The following PTPRD variants were observed in gnomAD, a reference collection of about 807,000 sequenced individuals.
The protein encoded by PTPRD is receptor-type tyrosine-protein phosphatase delta.
A neutral mutation model predicts 214.5 loss-of-function variants in PTPRD; 34 were observed. The ratio of observed to expected loss-of-function variants is 0.16; its 90% CI spans 0.12 to 0.21. The LOEUF is 0.21. PTPRD is among the 10% of genes least tolerant of loss of function. The pLI is 1.00. For synonymous variants in PTPRD, 1,128 were observed against 845.7 expected (o/e 1.33, Z -5.79); for missense variants, 2,545 against 2,398.7 (o/e 1.06, Z -1.27).
At chr9:9,947,358 A>G (rs193193644) in intron 4 of PTPRD, among the ~76,000 whole-genome samples, 3,112 of 56,396 alleles carry the variant, frequency 0.055, 176 homozygotes, top group Non-Finnish European at 0.067. Context: ...TATATATTAT[A>G]TATATTATAT....
intron 10 of PTPRD, among the ~76,000 whole-genome samples, chr9:9,081,484 G>A (rs895885047): frequency 5.3e-5 from 8 of 152,080 alleles, no homozygotes; most frequent in African/African-American, 1.9e-4. Flanking sequence ...GATTTTGGGT[G>A]GAGAATTCTG....
chr9:9,785,214 C>T (rs1376316997), intron 5 of PTPRD, among the ~76,000 whole-genome samples: 2 of 151,704 alleles, frequency 1.3e-5, no homozygotes, highest in Non-Finnish European at 2.9e-5. Context: ...TACAAAATTG[C>T]CATTCAGGAA....
intron 3 of PTPRD, among the ~76,000 whole-genome samples, chr9:10,238,755 T>C (rs1403262537): frequency 1.3e-5 from 2 of 152,042 alleles, no homozygotes; most frequent in East Asian, 1.9e-4. Context: ...CAAGCTAATT[T>C]TGTTAATTAT....
chr9:9,806,143 GA>G (rs1771220745), intron 5 of PTPRD, among the ~76,000 whole-genome samples: 1 of 152,142 alleles, frequency 6.6e-6, no homozygotes, highest in African/African-American at 2.4e-5. Context: ...GCTGGTGTTA[GA>G]GTAGGTAGGC....
intron 34 of PTPRD, among the ~76,000 whole-genome samples, chr9:8,440,305 A>T (rs933980704): frequency 1.1e-4 from 15 of 142,480 alleles, no homozygotes; most frequent in African/African-American, 3.9e-4. Context: ...ACAAATGTAC[A>T]ATAGAAATGT....
chr9:10,029,546 T>G (rs1324928992), intron 4 of PTPRD, among the ~76,000 whole-genome samples: 1 of 152,190 alleles, frequency 6.6e-6, no homozygotes, highest in African/African-American at 2.4e-5. Context: ...ATTTTGGAGC[T>G]TTAAGATTTG....
At chr9:10,066,546 C>G (rs2097888900) in intron 3 of PTPRD, among the ~76,000 whole-genome samples, 1 of 151,864 alleles carries the variant, frequency 6.6e-6, no homozygotes, top group African/African-American at 2.4e-5. Flanking sequence ...AATGGAGTAG[C>G]TCAAAAGCTG....
intron 8 of PTPRD, among the ~76,000 whole-genome samples, chr9:9,400,168 T>C (rs2069702672): frequency 6.6e-6 from 1 of 151,428 alleles, no homozygotes; most frequent in Admixed American, 6.6e-5. Flanking sequence ...ACCCATTGAT[T>C]TATTGCTGAC....
At chr9:9,579,103 G>A (rs1264406902) in intron 7 of PTPRD, among the ~76,000 whole-genome samples, 2 of 152,004 alleles carry the variant, frequency 1.3e-5, no homozygotes, top group Non-Finnish European at 2.9e-5. Flanking sequence ...TCATTGTACG[G>A]CATTCTTACA....
At chr9:10,065,382 T>C (rs1222239819) in intron 3 of PTPRD, among the ~76,000 whole-genome samples, 4 of 151,872 alleles carry the variant, frequency 2.6e-5, no homozygotes, top group African/African-American at 2.4e-5. Context: ...CAAAACACCA[T>C]GCAGCTTTGT....
At chr9:9,889,853 G>C (rs1236375365) in intron 5 of PTPRD, among the ~76,000 whole-genome samples, 1 of 151,726 alleles carries the variant, frequency 6.6e-6, no homozygotes, top group African/African-American at 2.4e-5. Flanking sequence ...TGCAGGGGCA[G>C]GTTTCTGAAG....
intron 7 of PTPRD, among the ~76,000 whole-genome samples, chr9:9,695,163 G>A (rs998794562): frequency 2.0e-5 from 3 of 152,104 alleles, no homozygotes; most frequent in African/African-American, 7.2e-5. Context: ...GGGCTCTTTA[G>A]TCAGAAGTCG....
At chr9:8,532,120 T>A (rs1378816356) in intron 14 of PTPRD, among the ~76,000 whole-genome samples, 2 of 152,066 alleles carry the variant, frequency 1.3e-5, no homozygotes, top group Non-Finnish European at 2.9e-5. Flanking sequence ...GCACAGAATC[T>A]CTTTGAATGC....
intron 3 of PTPRD, among the ~76,000 whole-genome samples, chr9:10,211,948 T>C (rs976543744): frequency 2.0e-5 from 3 of 152,260 alleles, no homozygotes; most frequent in South Asian, 2.1e-4. Context: ...CTTAAATGTA[T>C]ACAACATTTT....
chr9:8,767,434 C>T (rs1298759645), intron 11 of PTPRD, among the ~76,000 whole-genome samples: 2 of 152,056 alleles, frequency 1.3e-5, no homozygotes, highest in Admixed American at 6.6e-5. Context: ...TTTTTTGAAC[C>T]AGTATTTCCC....
intron 9 of PTPRD, among the ~76,000 whole-genome samples, chr9:9,271,503 A>G (rs1942919857): frequency 6.6e-6 from 1 of 151,408 alleles, no homozygotes; most frequent in Non-Finnish European, 1.5e-5. Flanking sequence ...TAAAAAATCC[A>G]TTTAAAACAT....
At chr9:10,113,582 C>T (rs2098708134) in intron 3 of PTPRD, among the ~76,000 whole-genome samples, 1 of 152,126 alleles carries the variant, frequency 6.6e-6, no homozygotes, top group Admixed American at 6.5e-5. Context: ...ATACAGATTC[C>T]AGACACCTCT....
chr9:9,238,596 G>A (rs943995222), intron 9 of PTPRD, among the ~76,000 whole-genome samples: 3 of 152,072 alleles, frequency 2.0e-5, no homozygotes, highest in South Asian at 4.1e-4. Context: ...GCACTTAAGA[G>A]CTAGTAGCAT....
chr9:9,958,611 C>T (rs556032457), intron 4 of PTPRD, among the ~76,000 whole-genome samples: 1 of 152,084 alleles, frequency 6.6e-6, no homozygotes, highest in African/African-American at 2.4e-5. Context: ...GATAATCAGA[C>T]AAGAAATAGT....
Sources: allele counts gnomAD v4.1 joint callset (sites outside exome capture counted in the v4.1 genomes callset), GRCh38; gene constraint gnomAD v4.1.1; transcripts MANE v1.5; gene names NCBI Gene and HGNC (gene_info 2026-07-23, HGNC 2026-07-21).